IPCEF1: variants seen among roughly 807,000 people sequenced by gnomAD.
IPCEF1 encodes the protein interactor protein for cytohesin exchange factors 1.
IPCEF1 carries 31 observed loss-of-function variants against 50.9 expected under a neutral mutation model. The ratio of observed to expected loss-of-function variants is 0.61; its 90% CI spans 0.46 to 0.82. The LOEUF (loss-of-function observed/expected upper bound fraction) is 0.82, where lower values mean the gene tolerates loss of function less well. Ranked by LOEUF, IPCEF1 falls within the 40% of genes least tolerant of loss-of-function variation. The pLI, the probability that IPCEF1 is intolerant of heterozygous loss-of-function variation, is 0.00. For missense variants in IPCEF1, 458 were observed against 514.0 expected (o/e 0.89, Z 1.05); for synonymous variants, 181 against 192.0 (o/e 0.94, Z 0.47).
chr6:154,243,315 A>G (rs1263023199), intron 5 of IPCEF1, among the ~76,000 whole-genome samples: 2 of 152,184 alleles, frequency 1.3e-5, no homozygotes, highest in East Asian at 3.9e-4. Context: ...ACGGCTGTTA[A>G]ACTTGCATAT....
intron 2 of IPCEF1, among the ~76,000 whole-genome samples, chr6:154,276,683 T>A (rs1782071620): frequency 6.6e-6 from 1 of 152,262 alleles, no homozygotes. Context: ...TCAGCAGTGC[T>A]GTCTCAGAAT....
intron 1 of IPCEF1, among the ~76,000 whole-genome samples, chr6:154,340,939 A>G (rs750221149): frequency 2.7e-5 from 4 of 148,164 alleles, no homozygotes; most frequent in Admixed American, 6.8e-5. Flanking sequence ...GTGTGTGTGT[A>G]TGTACACATA....
intron 2 of IPCEF1, among the ~76,000 whole-genome samples, chr6:154,278,359 C>G (rs1782117505): frequency 6.6e-6 from 1 of 152,162 alleles, no homozygotes; most frequent in Non-Finnish European, 1.5e-5. Context: ...GCCCTGTGGA[C>G]AGGTCCGGGA....
chr6:154,309,768 GTT>G (rs3045861), intron 1 of IPCEF1, among the ~76,000 whole-genome samples: 3 of 140,822 alleles, frequency 2.1e-5, no homozygotes, highest in Admixed American at 7.1e-5. Context: ...TTCTTTTCTT[GTT>G]TTTTTTTTTT....
At chr6:154,234,068 C>T (rs1779926970) in intron 5 of IPCEF1, among the ~76,000 whole-genome samples, 1 of 152,106 alleles carries the variant, frequency 6.6e-6, no homozygotes, top group Non-Finnish European at 1.5e-5. Flanking sequence ...ATTAGCAAAG[C>T]ACAACTATGT....
chr6:154,315,369 G>A (rs546677574), intron 1 of IPCEF1, among the ~76,000 whole-genome samples: 5 of 152,194 alleles, frequency 3.3e-5, no homozygotes, highest in African/African-American at 4.8e-5. Context: ...AACAGGGTCC[G>A]TGAAGGCAAA....
At chr6:154,301,574 G>T (rs551096482) in intron 1 of IPCEF1, among the ~76,000 whole-genome samples, 1 of 152,092 alleles carries the variant, frequency 6.6e-6, no homozygotes, top group African/African-American at 2.4e-5. Flanking sequence ...CGTGTCAAAG[G>T]CTCAGTTACA....
intron 1 of IPCEF1, among the ~76,000 whole-genome samples, chr6:154,334,341 ACTCTTTGG>A (rs2128695012): frequency 6.6e-6 from 1 of 152,294 alleles, no homozygotes; most frequent in South Asian, 2.1e-4. Flanking sequence ...AGCCACCGAA[ACTCTTTGG>A]CTCTCAGTTC....
At chr6:154,215,449 A>T (rs113902049) in intron 7 of IPCEF1, among the ~76,000 whole-genome samples, 11 of 152,242 alleles carry the variant, frequency 7.2e-5, no homozygotes, top group African/African-American at 2.6e-4. Flanking sequence ...ACTTAAAAAA[A>T]TACAAAATTA....
rs559811584 is a variant in IPCEF1 at position 154,204,329 on chromosome 6, G to A, written c.538-4289C>T. ...AATTAGGCAGAAGTGAGTCAGCATA[G>A]AAATCTTAAGGAGTCAAAGTACATG... On this transcript the variant is annotated intron_variant, in intron 9 of 11. Coordinates refer to ENST00000367220, the MANE Select transcript of IPCEF1 (RefSeq NM_001130700.2). 2.0e-5 allele frequency among the ~76,000 whole-genome samples: 3 copies of A among 152,202 alleles called. No homozygotes were observed. The East Asian group carries it at 5.8e-4, about 29-fold the overall frequency.
intron 2 of IPCEF1, among the ~76,000 whole-genome samples, chr6:154,280,001 T>C (rs1782167179): frequency 6.6e-6 from 1 of 152,100 alleles, no homozygotes; most frequent in Non-Finnish European, 1.5e-5. Context: ...AGAACAGCAA[T>C]GAAACATAAT....
At chr6:154,246,126 GGAA>G (rs1781023101) in intron 5 of IPCEF1, among the ~76,000 whole-genome samples, 1 of 152,092 alleles carries the variant, frequency 6.6e-6, no homozygotes, top group African/African-American at 2.4e-5. Context: ...GGAAAGAAGG[GGAA>G]GAAGAAAGTA....
chr6:154,192,604 T>A (rs1469949084), intron 10 of IPCEF1, among the ~76,000 whole-genome samples: 1 of 151,868 alleles, frequency 6.6e-6, no homozygotes, highest in Non-Finnish European at 1.5e-5. Context: ...ATCTTCATAA[T>A]CTGTACATCT....
chr6:154,321,643 G>A (rs561598497), intron 1 of IPCEF1, among the ~76,000 whole-genome samples: 1 of 152,006 alleles, frequency 6.6e-6, no homozygotes, highest in African/African-American at 2.4e-5. Flanking sequence ...AGCCGGGTGT[G>A]GTGGCACGAG....
Position 154,238,919 on chromosome 6 carries a change from G to GT in IPCEF1, c.246+7671dup, listed in dbSNP as rs202069850. ...AAAGTAAAAAGTTGGATTCTATATT[G>GT]TTGTTTTTTTTAAAAAAAAAAAGAA... On this transcript the variant is annotated intron_variant, in intron 5 of 11. Transcript: ENST00000367220. Among the ~76,000 whole-genome samples the GT allele has an allele frequency of 3.3e-3, 493 of 147,770 alleles. 8 individuals are homozygous for GT. Among genetic ancestry groups the GT allele is most frequent in the African/African-American group, 0.012 (463 of 39,888 alleles).
intron 1 of IPCEF1, among the ~76,000 whole-genome samples, chr6:154,330,642 C>T (rs895260163): frequency 1.3e-5 from 2 of 152,110 alleles, no homozygotes. Flanking sequence ...TCAACTAATG[C>T]TCTGCCTAAG....
rs533089547 is a variant in IPCEF1 at position 154,205,970 on chromosome 6, C to T, written c.538-5930G>A. ...GCAGCCTTCCCCAGCTGCTGCTAGG[C>T]CTGAAACTAATGGCTTACATCTGAG... On this transcript the variant is annotated intron_variant, in intron 9 of 11. Transcript: ENST00000367220. Among the ~76,000 whole-genome samples, 15 of 152,158 alleles carry T rather than the reference C, an allele frequency of 9.9e-5. No individual in the cohort carries two copies. In the South Asian group the frequency reaches 3.1e-3, roughly 32 times the overall value.
intron 2 of IPCEF1, among the ~76,000 whole-genome samples, chr6:154,269,387 A>T (rs1384345745): frequency 2.6e-5 from 4 of 152,162 alleles, no homozygotes; most frequent in Non-Finnish European, 5.9e-5. Flanking sequence ...GGGATGGGAG[A>T]CAGCTAGGGA....
At chr6:154,307,452 T>C (rs908642638) in intron 1 of IPCEF1, among the ~76,000 whole-genome samples, 2 of 152,210 alleles carry the variant, frequency 1.3e-5, no homozygotes, top group Non-Finnish European at 2.9e-5. Flanking sequence ...CCTTTGTAAA[T>C]TGACCAGTCT....
Sources: allele counts gnomAD v4.1 joint callset (sites outside exome capture counted in the v4.1 genomes callset), GRCh38; gene constraint gnomAD v4.1.1; transcripts MANE v1.5; gene names NCBI Gene and HGNC (gene_info 2026-07-23, HGNC 2026-07-21).